Variants in FANCD2OS observed in about 807,000 individuals in gnomAD.
FANCD2OS encodes FANCD2 opposite strand, also known as FANCD2 opposite strand protein.
Under a neutral mutation model 13.2 loss-of-function variants are expected in FANCD2OS, and 11 were observed. The observed-to-expected ratio is 0.83, with a 90% CI of 0.52 to 1.38. The LOEUF is 1.38. FANCD2OS is among the 40% of genes most tolerant of loss of function. FANCD2OS has a pLI of 0.00. For synonymous variants in FANCD2OS, 69 were observed against 84.5 expected, an observed-to-expected ratio of 0.82 and a Z score of 1.01; for missense variants, 217 against 213.9, an observed-to-expected ratio of 1.01 and a Z score of -0.09.
downstream of FANCD2OS, chr3:10,098,670 C>G (rs1559410967): frequency 6.2e-6 from 10 of 1,604,544 alleles, no homozygotes; most frequent in Non-Finnish European, 8.5e-6. Flanking sequence ...CCCTATTACC[C>G]TAAATGTGAT....
chr3:10,084,314 C>G (rs1011310840), intron 2 of FANCD2OS, among the ~76,000 whole-genome samples: 7 of 143,772 alleles, frequency 4.9e-5, no homozygotes, highest in Admixed American at 1.4e-4. Context: ...TTCCCTGAGA[C>G]AGGGTCTTGC....
chr3:10,095,130 G>A, intron 2 of FANCD2OS: 2 of 1,302,292 alleles, frequency 1.5e-6, no homozygotes, highest in South Asian at 1.2e-5. Flanking sequence ...GCTTTTGATT[G>A]CAAGGGTATC....
downstream of FANCD2OS, among the ~76,000 whole-genome samples, chr3:10,103,296 G>T (rs919301809): frequency 9.2e-5 from 14 of 152,130 alleles, no homozygotes; most frequent in African/African-American, 3.4e-4. Context: ...CAGCTACTAG[G>T]GAGGCTGAGG....
chr3:10,103,178 AGG>A (rs1695370470), downstream of FANCD2OS: 2 of 365,628 alleles, frequency 5.5e-6, no homozygotes, highest in Non-Finnish European at 1.1e-5. Context: ...TGAGGTGGGC[AGG>A]TCACCTGAGG....
chr3:10,107,349 G>A lies in FANCD2OS; in HGVS notation c.-9+666C>T, dbSNP rs532526818. Among the ~76,000 whole-genome samples the A allele has an allele frequency of 1.5e-4, 22 of 151,630 alleles. No individual in the cohort carries two copies. In the South Asian group the frequency reaches 4.4e-3, roughly 30 times the overall value. On this transcript the variant is annotated intron_variant, in intron 1 of 1. Coordinates refer to ENST00000450660, the MANE Select transcript of FANCD2OS (RefSeq NM_001164839.2). Reference sequence around the variant, plus strand: ...GTCACTCAGTCTGGAGTGCAGTGGCGCGATCTCCGCTCACTGCAAGCTCCG... The same window carrying A: ...GTCACTCAGTCTGGAGTGCAGTGGCACGATCTCCGCTCACTGCAAGCTCCG...
chr3:10,087,417 C>T (rs1368248025), intron 2 of FANCD2OS, among the ~76,000 whole-genome samples: 2 of 151,442 alleles, frequency 1.3e-5, no homozygotes, highest in African/African-American at 4.9e-5. Flanking sequence ...AGGTCATTTT[C>T]CCAGAACAAC....
At chr3:10,087,070 T>C (rs997255979) in intron 2 of FANCD2OS, 2 of 1,585,342 alleles carry the variant, frequency 1.3e-6, no homozygotes, top group Non-Finnish European at 1.7e-6. Context: ...GTCATGTGGA[T>C]TTAAATATAT....
chr3:10,086,915 A>C (rs1458453667), intron 2 of FANCD2OS, among the ~76,000 whole-genome samples: 1 of 152,128 alleles, frequency 6.6e-6, no homozygotes, highest in Non-Finnish European at 1.5e-5. Flanking sequence ...CCAACATTCC[A>C]TCAGTGGGGC....
intron 2 of FANCD2OS, chr3:10,090,247 G>C (rs374714658): frequency 1.2e-5 from 17 of 1,400,380 alleles, no homozygotes; most frequent in Non-Finnish European, 1.6e-5. Context: ...GTAGTTCTAA[G>C]CAGTGCATCA....
At chr3:10,094,431 C>A in intron 2 of FANCD2OS, 1 of 1,351,602 alleles carries the variant, frequency 7.4e-7, no homozygotes. Context: ...TCCTTGGTGA[C>A]TCCTGGGTGG....
At position 10,108,166 on chromosome 3, in the gene FANCD2OS, G is replaced by C. The variant is rs913253179; in HGVS notation, c.-160C>G. The C allele has an allele frequency of 1.3e-5, 2 of 152,336 alleles. No individual in the cohort carries two copies. Among genetic ancestry groups the C allele is most frequent in the Non-Finnish European group, 2.9e-5 (2 of 68,128 alleles). 9.4% of individuals were successfully genotyped at this position (152,336 alleles called of 1,614,324 possible). A position where few individuals can be genotyped will look rare whatever the true frequency, so the allele number is the denominator to read the frequency against. On this transcript the variant is annotated 5_prime_UTR_variant, in exon 1 of 2. Transcript: ENST00000450660. ...CTCCTGGGTCCCTATCCGGGGGCGG[G>C]GACCAGAAGGTTCTGGCTGAGGCGG...
downstream of FANCD2OS, chr3:10,101,207 T>G (rs587778334): frequency 6.2e-6 from 10 of 1,613,378 alleles, no homozygotes. Flanking sequence ...GAAGACGAAG[T>G]AAGTGCTGGA....
chr3:10,087,362 T>C (rs1694280488), intron 2 of FANCD2OS: 2 of 1,183,130 alleles, frequency 1.7e-6, no homozygotes, highest in Non-Finnish European at 2.4e-6. Context: ...TTTTTACATG[T>C]AAATCCCCAC....
chr3:10,096,579 A>G (rs1311468674), intron 2 of FANCD2OS: 4 of 1,025,826 alleles, frequency 3.9e-6, no homozygotes, highest in Non-Finnish European at 4.6e-6. Context: ...CAGTAAGGCT[A>G]CTTTTCTCTT....
At chr3:10,088,750 T>C (rs1694395203) in intron 2 of FANCD2OS, 2 of 1,479,506 alleles carry the variant, frequency 1.4e-6, no homozygotes, top group Non-Finnish European at 9.4e-7. Context: ...TTAATTCAGA[T>C]CATAGAGGAA....
At chr3:10,102,081 T>A (rs1484588569), downstream of FANCD2OS, among the ~76,000 whole-genome samples, 1 of 152,140 alleles carries the variant, frequency 6.6e-6, no homozygotes, top group African/African-American at 2.4e-5. Context: ...AAGAACCAAC[T>A]TCATCTGAGA....
At chr3:10,087,300 T>TA (rs1553614381) in intron 2 of FANCD2OS, 3 of 1,437,764 alleles carry the variant, frequency 2.1e-6, no homozygotes, top group Non-Finnish European at 1.9e-6. Context: ...TTTTTTTTTT[T>TA]AATGAATAGG....
In FANCD2OS at chr3:10,092,684, C is replaced by CTT. The variant is rs565351425; in HGVS notation, c.*44-11155_*44-11154dup. Among the ~76,000 whole-genome samples the CTT allele has an allele frequency of 6.8e-4, 49 of 72,060 alleles. 3 individuals are homozygous for CTT. The highest frequency in any genetic ancestry group is 5.8e-3 in the East Asian group (16 of 2,782). The allele number at this position is 72,060 out of a possible 152,430, so 47.3% of individuals were successfully genotyped here. ...CCTTGTCTCTCCACCTCTTTCATGT[C>CTT]TTTTTTTTTTTTTTTTTTTTTTTTT... On this transcript the variant is annotated intron_variant, in intron 2 of 2. Transcript: ENST00000524279.
chr3:10,088,779 G>A lies in FANCD2OS; in HGVS notation c.*44-7248C>T, dbSNP rs201550150. The A allele has an allele frequency of 2.4e-4, 380 of 1,597,560 alleles. 5 individuals are homozygous for A. In the South Asian group the frequency reaches 2.5e-3, roughly 10 times the overall value. On this transcript the variant is annotated intron_variant, in intron 2 of 2. Coordinates refer to the FANCD2OS transcript ENST00000524279. ...AGAGGAATTAGAGGAATCTGTAGTT[G>A]TATTCTACTTTGTTAATTAGTGGGT...
Sources: gnomAD v4.1 joint callset for allele counts (sites outside exome capture counted in the v4.1 genomes callset) on GRCh38, gnomAD v4.1.1 for gene constraint, MANE v1.5 for transcripts, NCBI Gene and HGNC (gene_info 2026-07-23, HGNC 2026-07-21) for gene names.